ITGA2B: variants seen among roughly 807,000 people sequenced by gnomAD.
ITGA2B encodes integrin alpha-IIb.
A neutral mutation model predicts 142.0 loss-of-function variants in ITGA2B; 91 were observed. That is an observed-to-expected ratio of 0.64 (90% CI 0.54 to 0.76). The LOEUF is 0.76. Among genes scored for constraint, ITGA2B ranks in the 30% least tolerant of loss-of-function variants. The pLI is 0.00. For missense variants in ITGA2B, 1,231 were observed against 1,350.8 expected (o/e 0.91, Z 1.39); for synonymous variants, 536 against 567.2 (o/e 0.94, Z 0.78).
intron 1 of ITGA2B, among the ~76,000 whole-genome samples, chr17:44,388,671 A>G (rs964849561): frequency 1.3e-5 from 2 of 151,834 alleles, no homozygotes; most frequent in Admixed American, 6.6e-5. Flanking sequence ...GGAGTGTGCC[A>G]CCACGCTCAG....
Position 44,384,151 on chromosome 17 carries a change from C to A in ITGA2B, c.892-13G>T, listed in dbSNP as rs369298724. The A allele has an allele frequency of 8.1e-5, 131 of 1,612,448 alleles. 4 individuals carry two copies. The South Asian group carries it at 1.4e-3, about 17-fold the overall frequency. On this transcript the variant is annotated splice_polypyrimidine_tract_variant and intron_variant, in intron 9 of 29. Transcript: ENST00000262407. ...CCAAAATTTCCACCTGCACGGACAG[C>A]GCAGGCGAGAGCATCATTCTTGTAC...
In ITGA2B at chr17:44,377,154, G is replaced by T; in HGVS notation, c.2188-66C>A. 2.6e-6 allele frequency: 3 copies of T among 1,165,346 alleles called. No individual in the cohort carries two copies. The South Asian group carries it at 3.9e-5, about 15-fold the overall frequency. The allele number at this position is 1,165,346 out of a possible 1,614,324, so 72.2% of individuals were successfully genotyped here. On this transcript the variant is annotated intron_variant, in intron 21 of 29. Coordinates refer to ENST00000262407, the MANE Select transcript of ITGA2B (RefSeq NM_000419.5). ...CACTTAGGACAGCCCTGCCCTGAAT[G>T]TGGCCTCCAGTCTTCACCCTCCAAG...
intron 18 of ITGA2B, 22 bp downstream of exon 18, chr17:44,379,667 G>A (rs745895425): frequency 1.9e-6 from 3 of 1,613,672 alleles, no homozygotes; most frequent in Non-Finnish European, 2.5e-6. Flanking sequence ...CACCTCCCTG[G>A]CCTGTCCCTG....
chr17:44,387,045 G>T (rs1170424279), intron 1 of ITGA2B, among the ~76,000 whole-genome samples: 1 of 152,116 alleles, frequency 6.6e-6, no homozygotes, highest in Admixed American at 6.5e-5. Flanking sequence ...ACAGGCGTGA[G>T]CCTCTGTGTC....
chr17:44,379,722 G>C lies in ITGA2B; in HGVS notation c.1845C>G (p.Val615=). 3 of 1,613,836 alleles carry C rather than the reference G, an allele frequency of 1.9e-6. No homozygotes were observed. Among genetic ancestry groups the C allele is most frequent in the East Asian group, 2.2e-5 (1 of 44,844 alleles). ...PPTEAGMAPA[V]VLHGDTHVQE... Reference sequence around the variant, plus strand: ...GCACATGGGTGTCTCCATGCAGCACGACAGCAGGGGCCATTCCAGCCTCCG... The same window carrying C: ...GCACATGGGTGTCTCCATGCAGCACCACAGCAGGGGCCATTCCAGCCTCCG... The change falls in exon 18 of 30, where the codon GTC becomes GTG. Residue 615 remains valine (V), a synonymous_variant. Transcript: ENST00000262407.
At chr17:44,385,407 G>C in intron 4 of ITGA2B, 72 bp from the exon 5 acceptor site, 1 of 1,559,568 alleles carries the variant, frequency 6.4e-7, no homozygotes. Context: ...GGAGGGCTGG[G>C]GGACAGGGGC....
intron 12 of ITGA2B, among the ~76,000 whole-genome samples, chr17:44,381,579 C>A (rs2048597906): frequency 2.0e-5 from 3 of 152,122 alleles, no homozygotes; most frequent in Admixed American, 2.0e-4. Flanking sequence ...ATCTGCCCAC[C>A]TTGGGCTCCC....
In ITGA2B at chr17:44,389,480, T is replaced by G. The variant is rs760714894; in HGVS notation, c.-7A>C. ...GACACAAAGCTCTGGCCATCTTCCT[T>G]CTTCCACAACCTCCCAGGCAGGAAT... is the stretch of plus-strand genomic sequence containing the variant. On this transcript the variant is annotated 5_prime_UTR_variant, in exon 1 of 30. Transcript: ENST00000262407. 1.9e-6 allele frequency: 3 copies of G among 1,612,840 alleles called. No individual in the cohort carries two copies. The highest frequency in any genetic ancestry group is 1.7e-6 in the Non-Finnish European group (2 of 1,179,908).
chr17:44,380,079 G>T lies in ITGA2B; in HGVS notation c.1675C>A (p.Gln559Lys). The T allele has an allele frequency of 6.2e-7, 1 of 1,614,044 alleles. No homozygotes were observed. Among genetic ancestry groups the T allele is most frequent in the Non-Finnish European group, 8.5e-7 (1 of 1,180,024 alleles). Residue 559 changes from glutamine to lysine, a missense_variant, in exon 17 of 30, where the codon CAG becomes AAG. Physicochemically the swap from Gln to Lys is moderately conservative, Grantham distance 53 (BLOSUM62 1). Around this residue, in one of 3 missense-constraint regions of ITGA2B, gnomAD observed 908 missense variants for 1,021.1 expected, o/e 0.89. Transcript: ENST00000262407. The part of the protein sequence containing the change: ...GRRVLLLGSQ[Q>K]AGTTLNLDLG... ...TCCAGGTTCAGGGTGGTGCCTGCCT[G>T]TTGAGAGCCCAGCAGCAGCACCCGC... is the stretch of plus-strand genomic sequence containing the variant.
In ITGA2B at chr17:44,389,512, GCTC is replaced by G; in HGVS notation, c.-42_-40del. 1.2e-6 allele frequency: 2 copies of G among 1,602,914 alleles called. No homozygotes were observed. Among genetic ancestry groups the G allele is most frequent in the Non-Finnish European group, 1.7e-6 (2 of 1,172,694 alleles). On this transcript the variant is annotated 5_prime_UTR_variant, in exon 1 of 30. Transcript: ENST00000262407. The stretch of plus-strand genomic sequence containing the variant: ...CAACCTCCCAGGCAGGAATGGGCCA[GCTC>G]CTCCTCCTTCCCTTCAGATTCCTCC...
chr17:44,380,113 G>A lies in ITGA2B; in HGVS notation c.1641C>T (p.Arg547=). 6.2e-7 allele frequency: 1 copy of A among 1,613,958 alleles called. No individual in the cohort carries two copies. The highest frequency in any genetic ancestry group is 1.7e-5 in the Admixed American group (1 of 60,012). ...CCAGCAGCAGCACCCGCCGGCCCTG[G>A]CGGGGCTTCTGCCGGTCCAGCTGCA... ...AELQLDRQKP[R]QGRRVLLLGS... is the part of the protein sequence containing the mutation. The change falls in exon 17 of 30, where the codon CGC becomes CGT. Residue 547 remains arginine, a synonymous_variant. Coordinates refer to ENST00000262407, the MANE Select transcript of ITGA2B (RefSeq NM_000419.5).
At position 44,386,010 on chromosome 17, in the gene ITGA2B, G is replaced by C. The variant is rs759912238; in HGVS notation, c.310C>G (p.Arg104Gly). ...GQCPSLLFDL[R>G]DETRNVGSQT... The stretch of plus-strand genomic sequence containing the variant: ...CTTGCTCTCCTTGCCTGGGACTCAC[G>C]GAGGTCAAAGAGCAGCGAGGGGCAC... Residue 104 changes from arginine to glycine, a missense_variant and splice_region_variant, in exon 2 of 30, where the codon CGT becomes GGT. Physicochemically the swap from Arg to Gly is moderately radical, Grantham distance 125 (BLOSUM62 -2). This residue lies in a region of ITGA2B where 318 missense variants were observed against 312.2 expected (regional missense o/e 1.02). Coordinates refer to ENST00000262407, the MANE Select transcript of ITGA2B (RefSeq NM_000419.5). 6.2e-7 allele frequency: 1 copy of C among 1,613,916 alleles called. No homozygotes were observed. Among genetic ancestry groups the C allele is most frequent in the South Asian group, 1.1e-5 (1 of 91,080 alleles).
chr17:44,375,542 C>T (rs1429027518), intron 26 of ITGA2B, 49 bp downstream of exon 26: 3 of 1,605,784 alleles, frequency 1.9e-6, no homozygotes, highest in African/African-American at 2.7e-5. Context: ...ATCCCCTCTG[C>T]CCCGTGGGTC....
chr17:44,375,045 C>T lies in ITGA2B; in HGVS notation c.2794G>A (p.Ala932Thr), dbSNP rs944327941. 5.0e-5 allele frequency: 78 copies of T among 1,545,478 alleles called. No individual in the cohort carries two copies. Among genetic ancestry groups the T allele is most frequent in the Non-Finnish European group, 6.6e-5 (76 of 1,146,556 alleles). Residue 932 changes from alanine to threonine, a missense_variant, in exon 27 of 30, where the codon GCC (alanine) becomes ACC (threonine). Around this residue, in one of 3 missense-constraint regions of ITGA2B, gnomAD observed 908 missense variants for 1,021.1 expected, o/e 0.89. Transcript: ENST00000262407. Reference sequence around the variant, plus strand: ...AGGAAGGCCAGCACCGTGACCATGGCCCGCTGCCCGCGCGCCATCTCCTGC... The same window carrying T: ...AGGAAGGCCAGCACCGTGACCATGGTCCGCTGCCCGCGCGCCATCTCCTGC... ...DLQEMARGQR[A>T]MVTVLAFLWL... is the part of the protein sequence containing the mutation.
chr17:44,380,906 C>A lies in ITGA2B; in HGVS notation c.1366G>T (p.Val456Leu), dbSNP rs142111372. 1.9e-6 allele frequency: 3 copies of A among 1,614,222 alleles called. No homozygotes were observed. The highest frequency in any genetic ancestry group is 4.5e-5 in the East Asian group (2 of 44,886). Residue 456 changes from valine to leucine, a missense_variant, in exon 13 of 30, where the codon GTA becomes TTA. Val to Leu is a conservative substitution (Grantham distance 32). Around this residue, in one of 3 missense-constraint regions of ITGA2B, gnomAD observed 908 missense variants for 1,021.1 expected, o/e 0.89. Transcript: ENST00000262407. ...SAFGFSLRGAVDIDDNGYPDL... is the reference protein window; with the variant it reads ...SAFGFSLRGALDIDDNGYPDL... ...GGGTATCCGTTGTCATCGATGTCTA[C>A]GGCACCTCGAAGGGAGAAGCCAAAG...
In ITGA2B at chr17:44,386,035, CT is replaced by C; in HGVS notation, c.284del (p.Gln95ArgfsTer16). 6.2e-7 allele frequency: 1 copy of C among 1,613,512 alleles called. No individual in the cohort carries two copies. Among genetic ancestry groups the C allele is most frequent in the Non-Finnish European group, 8.5e-7 (1 of 1,179,956 alleles). ...FLCPWRAEGG[Q>X]CPSLLFDLRD... ...GGAGGTCAAAGAGCAGCGAGGGGCA[CT>C]GGCCGCCCTCGGCCCTCCAGGGGCA... is the stretch of plus-strand genomic sequence containing the variant. On this transcript the variant is annotated frameshift_variant, in exon 2 of 30. Transcript: ENST00000262407.
intron 1 of ITGA2B, 128 bp from the exon 2 acceptor site, chr17:44,386,259 C>A: frequency 7.4e-7 from 1 of 1,359,486 alleles, no homozygotes; most frequent in South Asian, 1.3e-5. Context: ...CTCAATGACA[C>A]CTCACAGACC....
At position 44,385,813 on chromosome 17, in the gene ITGA2B, G is replaced by A. The variant is rs768343439; in HGVS notation, c.408+11C>T. 6 of 1,604,766 alleles carry A rather than the reference G, an allele frequency of 3.7e-6. No homozygotes were observed. The Admixed American group carries it at 8.6e-5, about 23-fold the overall frequency. ...CCGATTGTTCCCTGTGCCCTGTACCGCGGGGCCCACCACAATGACGTCGCT... is the reference window on the plus strand; with the variant it reads ...CCGATTGTTCCCTGTGCCCTGTACCACGGGGCCCACCACAATGACGTCGCT... On this transcript the variant is annotated intron_variant, in intron 3 of 29. Transcript: ENST00000262407.
rs560139155 is a variant in ITGA2B at position 44,376,217 on chromosome 17, G to T, written c.2349-33C>A. Reference sequence around the variant, plus strand: ...TGCCCAAGACCCCCAGAGAGAGTGTGATGCCCTGATTGGCCTGTGAGGTTT... The same window carrying T: ...TGCCCAAGACCCCCAGAGAGAGTGTTATGCCCTGATTGGCCTGTGAGGTTT... On this transcript the variant is annotated intron_variant, in intron 23 of 29. Transcript: ENST00000262407. 7.9e-5 allele frequency: 128 copies of T among 1,613,828 alleles called. 1 individual carries two copies. In the South Asian group the frequency reaches 1.4e-3, roughly 17 times the overall value.
Sources: gnomAD v4.1 joint callset for allele counts (sites outside exome capture counted in the v4.1 genomes callset) on GRCh38, gnomAD v4.1.1 for gene constraint, gnomAD v4.1.1 regional missense constraint, MANE v1.5 for transcripts, NCBI Gene and HGNC (gene_info 2026-07-23, HGNC 2026-07-21) for gene names.